Variants in LMBRD1 observed in about 807,000 individuals in gnomAD.
LMBRD1 encodes the protein LMBR1 domain containing 1.
LMBRD1 carries 64 observed loss-of-function variants against 74.8 expected under a neutral mutation model. The observed-to-expected ratio is 0.86, with a 90% CI of 0.70 to 1.05. The LOEUF (loss-of-function observed/expected upper bound fraction) is 1.05. Among genes scored for constraint, LMBRD1 ranks in the 50% least tolerant of loss-of-function variants. LMBRD1 has a pLI of 0.00. For missense variants in LMBRD1, 652 were observed against 645.9 expected (o/e 1.01, Z -0.10); for synonymous variants, 204 against 216.3 (o/e 0.94, Z 0.50).
At chr6:69,772,325 G>A (rs1436346298) in intron 3 of LMBRD1, among the ~76,000 whole-genome samples, 5 of 152,092 alleles carry the variant, frequency 3.3e-5, no homozygotes, top group Non-Finnish European at 5.9e-5. Flanking sequence ...GAAAGAGAAC[G>A]AACCAACAAA....
rs1018344666 is a variant in LMBRD1 at position 69,744,605 on chromosome 6, T to C, written c.474-2728A>G. Among the ~76,000 whole-genome samples, 3 of 152,210 alleles carry C rather than the reference T, an allele frequency of 2.0e-5. No homozygotes were observed. In the South Asian group the frequency reaches 6.2e-4, roughly 31 times the overall value. On this transcript the variant is annotated intron_variant, in intron 5 of 15. Transcript: ENST00000649934. ...GTAGATATGAAATGGAAATGATGAA[T>C]TCAGCATAACTGAAAATAAGATGTT...
intron 2 of LMBRD1, among the ~76,000 whole-genome samples, chr6:69,788,510 G>T (rs1464871975): frequency 1.3e-5 from 2 of 152,056 alleles, no homozygotes; most frequent in African/African-American, 4.8e-5. Flanking sequence ...AGAGCCAAAA[G>T]AAATTAAACA....
intron 2 of LMBRD1, 58 bp downstream of exon 2, chr6:69,790,238 G>A: frequency 8.7e-7 from 1 of 1,149,390 alleles, no homozygotes; most frequent in South Asian, 1.3e-5. Context: ...GTATCGGACT[G>A]CCAAGTGTGC....
chr6:69,761,843 G>T (rs1765381241), intron 3 of LMBRD1, among the ~76,000 whole-genome samples: 1 of 152,126 alleles, frequency 6.6e-6, no homozygotes, highest in South Asian at 2.1e-4. Flanking sequence ...TGTCTTTAGA[G>T]ATTTGCCTTT....
At chr6:69,725,775 T>G (rs1766718635) in intron 7 of LMBRD1, among the ~76,000 whole-genome samples, 2 of 152,136 alleles carry the variant, frequency 1.3e-5, no homozygotes, top group South Asian at 4.1e-4. Context: ...CCTCATACTA[T>G]GAAACGACTT....
rs1297855874 is a variant in LMBRD1 at position 69,713,687 on chromosome 6, G to A, written c.873C>T (p.Asn291=). Residue 291 remains asparagine (N), a synonymous_variant, in exon 9 of 16, where the codon AAC becomes AAT. Coordinates refer to ENST00000649934, the MANE Select transcript of LMBRD1 (RefSeq NM_018368.4). ...CGCCACAAAATTTTGTCCACCAGCTGTTTTCAATGAATTCTAAATGCCTCT... is the reference window on the plus strand; with the variant it reads ...CGCCACAAAATTTTGTCCACCAGCTATTTTCAATGAATTCTAAATGCCTCT... ...KRERHLEFIE[N]SWWTKFCGAL... The A allele has an allele frequency of 6.2e-7, 1 of 1,613,498 alleles. No homozygotes were observed. The highest frequency in any genetic ancestry group is 1.3e-5 in the African/African-American group (1 of 74,874).
intron 7 of LMBRD1, among the ~76,000 whole-genome samples, chr6:69,723,820 G>A (rs1766668581): frequency 6.6e-6 from 1 of 151,710 alleles, no homozygotes; most frequent in Admixed American, 6.6e-5. Context: ...ATAAAGATCA[G>A]AGCAGAAATA....
chr6:69,728,992 A>AT (rs566180839), intron 7 of LMBRD1, among the ~76,000 whole-genome samples: 12,037 of 148,416 alleles, frequency 0.081, 628 homozygotes, highest in Admixed American at 0.15. Context: ...TTGTTTTGCT[A>AT]TTTTTTTTTT....
intron 9 of LMBRD1, chr6:69,705,768 T>C: frequency 8.4e-7 from 1 of 1,193,448 alleles, no homozygotes; most frequent in Non-Finnish European, 1.2e-6. Context: ...GAGTTTCACA[T>C]CCTCCTCCTC....
intron 7 of LMBRD1, among the ~76,000 whole-genome samples, chr6:69,732,412 C>T (rs1049892314): frequency 1.3e-5 from 2 of 152,030 alleles, no homozygotes; most frequent in Non-Finnish European, 2.9e-5. Flanking sequence ...GAAGAGGGCC[C>T]TCACCAGACA....
At chr6:69,744,587 T>C (rs1383166516) in intron 5 of LMBRD1, among the ~76,000 whole-genome samples, 3 of 152,224 alleles carry the variant, frequency 2.0e-5, no homozygotes, top group East Asian at 1.9e-4. Context: ...TCAGTAGATA[T>C]GAAATGGAAA....
chr6:69,722,368 AG>A (rs1339417369), intron 7 of LMBRD1, among the ~76,000 whole-genome samples: 24 of 152,130 alleles, frequency 1.6e-4, no homozygotes, highest in African/African-American at 5.6e-4. Context: ...TCACTGGAAC[AG>A]TAAGCACACA....
intron 3 of LMBRD1, among the ~76,000 whole-genome samples, chr6:69,776,336 G>A (rs938290568): frequency 3.3e-5 from 5 of 152,190 alleles, no homozygotes; most frequent in African/African-American, 4.8e-5. Flanking sequence ...TTCTTTAGGA[G>A]TTTTAAGAGT....
chr6:69,782,061 C>T (rs1765843280), intron 2 of LMBRD1, among the ~76,000 whole-genome samples: 1 of 152,138 alleles, frequency 6.6e-6, no homozygotes, highest in African/African-American at 2.4e-5. Flanking sequence ...CAATAACATC[C>T]AGTAATGCCA....
chr6:69,796,294 GTCA>G (rs1314196674), intron 1 of LMBRD1, among the ~76,000 whole-genome samples: 4 of 152,234 alleles, frequency 2.6e-5, no homozygotes, highest in African/African-American at 9.6e-5. Flanking sequence ...AGCAACTCAC[GTCA>G]TCAAGGCAGA....
At chr6:69,741,311 G>T (rs181242421) in intron 6 of LMBRD1, among the ~76,000 whole-genome samples, 191 of 152,008 alleles carry the variant, frequency 1.3e-3, no homozygotes, top group Middle Eastern at 3.4e-3. Context: ...CAAGCCTTAA[G>T]AATGCAACAC....
At chr6:69,732,188 T>C (rs970416137) in intron 7 of LMBRD1, among the ~76,000 whole-genome samples, 3 of 152,092 alleles carry the variant, frequency 2.0e-5, no homozygotes, top group Non-Finnish European at 4.4e-5. Flanking sequence ...GAACTGAATG[T>C]TTGTTTTCCC....
chr6:69,733,207 T>C (rs7750707), intron 7 of LMBRD1, among the ~76,000 whole-genome samples: 17,626 of 152,078 alleles, frequency 0.12, 2,832 homozygotes, highest in African/African-American at 0.36. Flanking sequence ...TCATATTATA[T>C]TTAGGGTCAA....
intron 3 of LMBRD1, among the ~76,000 whole-genome samples, chr6:69,768,537 A>G (rs1411382889): frequency 1.3e-5 from 2 of 151,954 alleles, no homozygotes; most frequent in African/African-American, 4.8e-5. Flanking sequence ...TTATGTCTAT[A>G]TATTATAAAC....
Sources: gnomAD v4.1 joint callset for allele counts (sites outside exome capture counted in the v4.1 genomes callset) on GRCh38, gnomAD v4.1.1 for gene constraint, MANE v1.5 for transcripts, NCBI Gene and HGNC (gene_info 2026-07-23, HGNC 2026-07-21) for gene names.